The following DKK2 variants were observed in gnomAD, a reference collection of about 807,000 sequenced individuals.
The protein encoded by DKK2 is dickkopf Wnt signaling pathway inhibitor 2.
DKK2 carries 11 observed loss-of-function variants against 28.1 expected under a neutral mutation model. The observed-to-expected ratio is 0.39, with a 90% CI of 0.25 to 0.65. The LOEUF (loss-of-function observed/expected upper bound fraction) is 0.65, where lower values mean the gene tolerates loss of function less well. Among genes scored for constraint, DKK2 ranks in the 30% least tolerant of loss-of-function variants. The pLI, the probability that DKK2 is intolerant of heterozygous loss-of-function variation, is 0.47. For synonymous variants in DKK2, 135 were observed against 126.5 expected (o/e 1.07, Z -0.45); for missense variants, 326 against 335.5 (o/e 0.97, Z 0.22).
In DKK2 at chr4:107,008,507, A is replaced by G. The variant is rs145490173; in HGVS notation, c.222+26863T>C. ...TAAGATGAGTAAGAGATATCCAAGT[A>G]GAATTTTTAATAGGAGAAAGAAAAA... On this transcript the variant is annotated intron_variant, in intron 1 of 3. Coordinates refer to ENST00000285311, the MANE Select transcript of DKK2 (RefSeq NM_014421.3). Among the ~76,000 whole-genome samples the G allele has an allele frequency of 3.9e-3, 591 of 152,176 alleles. 4 individuals carry two copies. The highest frequency in any genetic ancestry group is 0.013 in the African/African-American group (549 of 41,570).
At chr4:106,995,858 G>A (rs555837973) in intron 1 of DKK2, among the ~76,000 whole-genome samples, 6 of 152,224 alleles carry the variant, frequency 3.9e-5, no homozygotes, top group East Asian at 3.9e-4. Flanking sequence ...TGATCCACCC[G>A]CTTCTGCCTC....
intron 1 of DKK2, among the ~76,000 whole-genome samples, chr4:106,942,843 CTGGTG>C (rs1418280194): frequency 6.6e-6 from 1 of 151,952 alleles, no homozygotes; most frequent in Non-Finnish European, 1.5e-5. Flanking sequence ...AAAATCTTGC[CTGGTG>C]TTTGTTTTAA....
chr4:106,958,257 T>C (rs1722631972), intron 1 of DKK2, among the ~76,000 whole-genome samples: 1 of 151,852 alleles, frequency 6.6e-6, no homozygotes, highest in South Asian at 2.1e-4. Flanking sequence ...TATTAGTCAA[T>C]CTTTTCTAAA....
intron 1 of DKK2, among the ~76,000 whole-genome samples, chr4:106,995,071 A>G (rs1027380456): frequency 6.6e-6 from 1 of 152,132 alleles, no homozygotes; most frequent in Non-Finnish European, 1.5e-5. Flanking sequence ...ATTACCTAAA[A>G]TATTAATTTA....
At chr4:106,933,361 A>T (rs1459034859) in intron 1 of DKK2, among the ~76,000 whole-genome samples, 1 of 152,210 alleles carries the variant, frequency 6.6e-6, no homozygotes, top group Non-Finnish European at 1.5e-5. Flanking sequence ...GCTCACTGAC[A>T]ATAACAACAA....
chr4:107,000,701 T>C (rs1197536399), intron 1 of DKK2, among the ~76,000 whole-genome samples: 1 of 152,150 alleles, frequency 6.6e-6, no homozygotes, highest in Admixed American at 6.5e-5. Context: ...AAAGAACAAA[T>C]ACCTATGGTC....
chr4:106,938,318 C>A (rs1344125236), intron 1 of DKK2, among the ~76,000 whole-genome samples: 1 of 152,110 alleles, frequency 6.6e-6, no homozygotes, highest in East Asian at 1.9e-4. Context: ...ATCCAAACTA[C>A]CATCAGAGAA....
intron 1 of DKK2, among the ~76,000 whole-genome samples, chr4:106,994,646 C>T (rs1723247363): frequency 6.6e-6 from 1 of 152,152 alleles, no homozygotes; most frequent in African/African-American, 2.4e-5. Flanking sequence ...TTCTCTTTTT[C>T]TGTTTTACAA....
In DKK2 at chr4:106,924,646, T is replaced by A. The variant is rs748580596; in HGVS notation, c.428A>T (p.Asp143Val). 6.2e-7 allele frequency: 1 copy of A among 1,613,738 alleles called. No homozygotes were observed. The highest frequency in any genetic ancestry group is 1.3e-5 in the African/African-American group (1 of 74,904). The change falls in exon 3 of 4, where the codon GAT becomes GTT. Residue 143 changes from aspartate to valine, a missense_variant. By Grantham distance (152) the Asp-to-Val change is radical. Transcript: ENST00000285311. ...SILTPHIPALDGTRHRDRNHG... is the reference protein window; with the variant it reads ...SILTPHIPALVGTRHRDRNHG... ...GTTTCGATCTCTGTGCCGAGTACCA[T>A]CCAGAGCCGGGATGTGAGGGGTTAA... is the stretch of plus-strand genomic sequence containing the variant.
At chr4:106,969,156 C>G (rs1722824977) in intron 1 of DKK2, among the ~76,000 whole-genome samples, 1 of 151,472 alleles carries the variant, frequency 6.6e-6, no homozygotes, top group Non-Finnish European at 1.5e-5. Flanking sequence ...ATTTCTTAAT[C>G]TTTGCTCAGA....
At chr4:106,924,833 T>A in intron 2 of DKK2, 133 bp from the exon 3 acceptor site, 1 of 866,734 alleles carries the variant, frequency 1.2e-6, no homozygotes, top group Non-Finnish European at 1.7e-6. Context: ...ACCCATCCAT[T>A]CATTTACTTA....
chr4:106,979,686 T>C (rs2110357520), intron 1 of DKK2, among the ~76,000 whole-genome samples: 1 of 152,316 alleles, frequency 6.6e-6, no homozygotes, highest in African/African-American at 2.4e-5. Context: ...GCCAAAATCA[T>C]GAGGGCTTGC....
chr4:107,026,918 AC>A (rs1264119331), intron 1 of DKK2, among the ~76,000 whole-genome samples: 1 of 152,218 alleles, frequency 6.6e-6, no homozygotes, highest in Non-Finnish European at 1.5e-5. Context: ...AAATACTGTC[AC>A]TAAAGAAGAG....
intron 1 of DKK2, among the ~76,000 whole-genome samples, chr4:107,029,223 G>T (rs1442914555): frequency 6.6e-6 from 1 of 152,164 alleles, no homozygotes. Context: ...AAGGGTTCAT[G>T]TTCTTCCTAA....
intron 1 of DKK2, among the ~76,000 whole-genome samples, chr4:106,964,749 T>C (rs1268888734): frequency 1.3e-5 from 2 of 152,104 alleles, no homozygotes; most frequent in South Asian, 2.1e-4. Flanking sequence ...ATCTAATCAG[T>C]TGAAAGGCCA....
intron 1 of DKK2, among the ~76,000 whole-genome samples, chr4:106,995,140 G>T (rs1255100765): frequency 6.6e-6 from 1 of 151,812 alleles, no homozygotes; most frequent in African/African-American, 2.4e-5. Context: ...ATTACATTAA[G>T]ATTAGTAATA....
chr4:106,924,210 G>A lies in DKK2; in HGVS notation c.530-6C>T. ...GCAGGGGTCTCCTTCATGCCCTGCA[G>A]AGATGATGACCAATAGATGTTACCC... On this transcript the variant is annotated splice_region_variant and splice_polypyrimidine_tract_variant and intron_variant, in intron 3 of 3. Transcript: ENST00000285311. The A allele has an allele frequency of 6.2e-7, 1 of 1,613,718 alleles. No individual in the cohort carries two copies. The highest frequency in any genetic ancestry group is 1.3e-5 in the African/African-American group (1 of 75,002).
intron 3 of DKK2, 41 bp from the exon 4 acceptor site, chr4:106,924,245 A>AG: frequency 6.3e-7 from 1 of 1,587,396 alleles, no homozygotes; most frequent in Non-Finnish European, 8.5e-7. Context: ...CTGACACTTC[A>AG]GAAAAAAAAA....
At chr4:106,988,669 C>T (rs917364993) in intron 1 of DKK2, among the ~76,000 whole-genome samples, 5 of 152,116 alleles carry the variant, frequency 3.3e-5, no homozygotes. Flanking sequence ...GCAATGAGTG[C>T]TAACATGTGT....
Sources: allele counts gnomAD v4.1 joint callset (sites outside exome capture counted in the v4.1 genomes callset), GRCh38; gene constraint gnomAD v4.1.1; transcripts MANE v1.5; gene names NCBI Gene and HGNC (gene_info 2026-07-23, HGNC 2026-07-21).